The following PDE4B variants were observed in gnomAD, a reference collection of about 807,000 sequenced individuals.
The protein encoded by PDE4B is 3',5'-cyclic-AMP phosphodiesterase 4B.
PDE4B carries 20 observed loss-of-function variants against 82.2 expected under a neutral mutation model. The ratio of observed to expected loss-of-function variants is 0.24; its 90% confidence interval spans 0.17 to 0.35. PDE4B has a LOEUF of 0.35. Among genes scored for constraint, PDE4B ranks in the 10% least tolerant of loss-of-function variants. The pLI is 1.00. For missense variants in PDE4B, 655 were observed against 907.2 expected, an observed-to-expected ratio of 0.72 and a Z score of 3.57; for synonymous variants, 320 against 318.9, an observed-to-expected ratio of 1.00 and a Z score of -0.04.
intron 3 of PDE4B, among the ~76,000 whole-genome samples, chr1:66,068,968 T>C (rs1304450261): frequency 1.3e-5 from 2 of 151,982 alleles, no homozygotes; most frequent in East Asian, 3.8e-4. Flanking sequence ...CTTCATAAAG[T>C]CCTGAATTAG....
chr1:66,237,280 C>CT (rs1202178545), intron 3 of PDE4B, among the ~76,000 whole-genome samples: 2 of 152,134 alleles, frequency 1.3e-5, no homozygotes, highest in Non-Finnish European at 2.9e-5. Context: ...CTATTAAGTG[C>CT]TATGTAGACC....
intron 9 of PDE4B, among the ~76,000 whole-genome samples, chr1:66,355,824 C>G (rs1034390624): frequency 6.6e-6 from 1 of 151,998 alleles, no homozygotes; most frequent in African/African-American, 2.4e-5. Context: ...AATTAAAATA[C>G]CCATCCAAGA....
intron 3 of PDE4B, among the ~76,000 whole-genome samples, chr1:66,172,041 A>T (rs1323522290): frequency 6.6e-6 from 1 of 152,128 alleles, no homozygotes; most frequent in African/African-American, 2.4e-5. Context: ...TTGGAGTACG[A>T]TTGATCCCAT....
At chr1:66,105,763 T>C (rs896068386) in intron 3 of PDE4B, among the ~76,000 whole-genome samples, 2 of 152,056 alleles carry the variant, frequency 1.3e-5, no homozygotes, top group Admixed American at 1.3e-4. Context: ...TGTATAAGAA[T>C]GCTTGTGATT....
At chr1:66,092,568 TA>T (rs1488035117) in intron 3 of PDE4B, among the ~76,000 whole-genome samples, 1 of 151,994 alleles carries the variant, frequency 6.6e-6, no homozygotes, top group Non-Finnish European at 1.5e-5. Context: ...TTAGGAATTA[TA>T]AATTAGCTAA....
At chr1:65,873,817 C>T (rs1571048711) in intron 1 of PDE4B, among the ~76,000 whole-genome samples, 4 of 152,124 alleles carry the variant, frequency 2.6e-5, no homozygotes, top group African/African-American at 9.6e-5. Context: ...TAAAACAATT[C>T]TGATTATTTT....
intron 3 of PDE4B, among the ~76,000 whole-genome samples, chr1:66,033,758 C>A (rs1276801003): frequency 7.0e-6 from 1 of 143,486 alleles, no homozygotes; most frequent in Non-Finnish European, 1.5e-5. Flanking sequence ...AAAGGTACAT[C>A]TCCTTTTACT....
intron 3 of PDE4B, among the ~76,000 whole-genome samples, chr1:65,935,414 G>A (rs1648071406): frequency 6.6e-6 from 1 of 151,860 alleles, no homozygotes. Context: ...TACCATGAAT[G>A]GAATTAACAG....
intron 3 of PDE4B, among the ~76,000 whole-genome samples, chr1:66,112,164 A>G (rs1359297588): frequency 2.0e-5 from 3 of 152,160 alleles, no homozygotes; most frequent in Non-Finnish European, 4.4e-5. Flanking sequence ...AGTCAGGCTT[A>G]TGACCTTACA....
At chr1:66,274,539 A>T (rs1028756291) in intron 7 of PDE4B, among the ~76,000 whole-genome samples, 11 of 152,122 alleles carry the variant, frequency 7.2e-5, no homozygotes, top group Admixed American at 7.2e-4. Flanking sequence ...AAAGCTTTAT[A>T]TAGTGATTAA....
chr1:65,901,414 G>C (rs938371836), intron 1 of PDE4B, among the ~76,000 whole-genome samples: 3 of 151,958 alleles, frequency 2.0e-5, no homozygotes, highest in Admixed American at 2.0e-4. Flanking sequence ...TAGTTTTATT[G>C]TTGTGCCTTT....
intron 7 of PDE4B, among the ~76,000 whole-genome samples, chr1:66,275,304 G>A (rs1655800096): frequency 6.6e-6 from 1 of 152,146 alleles, no homozygotes; most frequent in Non-Finnish European, 1.5e-5. Flanking sequence ...ACCTATTCAG[G>A]CATAGGTGTT....
chr1:66,225,280 A>G (rs539285683), intron 3 of PDE4B, among the ~76,000 whole-genome samples: 16 of 152,300 alleles, frequency 1.1e-4, no homozygotes, highest in African/African-American at 2.9e-4. Context: ...AACTCACTTC[A>G]GCCAGGCTTG....
intron 1 of PDE4B, among the ~76,000 whole-genome samples, chr1:65,808,445 C>G (rs747020131): frequency 1.3e-5 from 2 of 152,192 alleles, no homozygotes; most frequent in Non-Finnish European, 2.9e-5. Context: ...GCTGAGATTA[C>G]AGGCATGAGC....
intron 3 of PDE4B, among the ~76,000 whole-genome samples, chr1:66,239,661 T>C (rs1652727534): frequency 6.6e-6 from 1 of 152,208 alleles, no homozygotes; most frequent in African/African-American, 2.4e-5. Flanking sequence ...CTTGTTCTGC[T>C]TGTGCATTAA....
chr1:66,339,018 C>CAA (rs60064823), intron 8 of PDE4B, among the ~76,000 whole-genome samples: 5,243 of 79,542 alleles, frequency 0.066, 317 homozygotes, highest in African/African-American at 0.15. Context: ...GACTCCGTCT[C>CAA]AAAAAAAAAA....
intron 7 of PDE4B, among the ~76,000 whole-genome samples, chr1:66,329,629 A>G (rs1425206152): frequency 5.9e-5 from 9 of 152,156 alleles, no homozygotes; most frequent in African/African-American, 1.9e-4. Context: ...TCCAATTGCC[A>G]TTAGTAATTC....
chr1:65,850,381 G>A (rs1314416751), intron 1 of PDE4B, among the ~76,000 whole-genome samples: 2 of 152,126 alleles, frequency 1.3e-5, no homozygotes, highest in East Asian at 3.9e-4. Flanking sequence ...ACAGGGGTGA[G>A]CACTGTGCCC....
At chr1:65,909,811 G>T (rs74083927) in intron 1 of PDE4B, among the ~76,000 whole-genome samples, 2,483 of 152,182 alleles carry the variant, frequency 0.016, 79 homozygotes, top group East Asian at 0.084. Flanking sequence ...TAAATATGAG[G>T]CATTTAAAAA....
Sources: gnomAD v4.1 joint callset for allele counts (sites outside exome capture counted in the v4.1 genomes callset) on GRCh38, gnomAD v4.1.1 for gene constraint, MANE v1.5 for transcripts, NCBI Gene and HGNC (gene_info 2026-07-23, HGNC 2026-07-21) for gene names.